The following YME1L1 variants were observed in gnomAD, a reference collection of about 807,000 sequenced individuals.
YME1L1 encodes YME1 like 1 ATPase.
Under a neutral mutation model 90.4 loss-of-function variants are expected in YME1L1, and 39 were observed. The ratio of observed to expected loss-of-function variants is 0.43; its 90% CI spans 0.33 to 0.56. The LOEUF is 0.56. Among genes scored for constraint, YME1L1 ranks in the 20% least tolerant of loss-of-function variants. The pLI is 0.03. For synonymous variants in YME1L1, 284 were observed against 287.3 expected (o/e 0.99, Z 0.12); for missense variants, 617 against 868.4 (o/e 0.71, Z 3.64).
intron 1 of YME1L1, among the ~76,000 whole-genome samples, chr10:27,149,830 T>C (rs181892150): frequency 1.1e-4 from 16 of 143,556 alleles, no homozygotes; most frequent in Admixed American, 1.1e-3. Flanking sequence ...ATCCCAGCAC[T>C]TTGGGAGGCC....
chr10:27,122,979 A>G lies in YME1L1; in HGVS notation c.1103-6T>C, dbSNP rs2056881723. 1.2e-6 allele frequency: 2 copies of G among 1,605,168 alleles called. No individual in the cohort carries two copies. Among genetic ancestry groups the G allele is most frequent in the African/African-American group, 2.7e-5 (2 of 74,404 alleles). ...AGCATTCGCCTTTGCTTCCCCTAAG[A>G]AAACAAAAAACATTCAAATAAGCTG... On this transcript the variant is annotated splice_region_variant and splice_polypyrimidine_tract_variant and intron_variant, in intron 10 of 18. Transcript: ENST00000376016.
chr10:27,134,005 A>C (rs886441594), intron 7 of YME1L1, 34 bp downstream of exon 7: 1 of 1,429,206 alleles, frequency 7.0e-7, no homozygotes, highest in African/African-American at 1.4e-5. Flanking sequence ...TAAAGGAATA[A>C]GAAATAAGTT....
rs12218864 is a variant in YME1L1 at position 27,116,231 on chromosome 10, G to A, written c.1834C>T (p.His612Tyr). Residue 612 changes from histidine to tyrosine, a missense_variant, in exon 16 of 19, where the codon CAT (histidine) becomes TAT (tyrosine). Physicochemically the swap from His to Tyr is moderately conservative, Grantham distance 83. Coordinates refer to ENST00000376016, the MANE Select transcript of YME1L1 (RefSeq NM_014263.4). ...CTTTAAAGCTAACCTGTTGTAATAT[G>A]GTCGGTTCCAAATATAAGCTCCTCT... The part of the protein sequence containing the change: ...VAEELIFGTD[H>Y]ITTGASSDFD... 99 of 1,614,102 alleles carry A rather than the reference G, an allele frequency of 6.1e-5. 1 individual carries two copies. In the East Asian group the frequency reaches 2.1e-3, roughly 35 times the overall value.
chr10:27,117,354 G>C (rs1179133626), intron 15 of YME1L1, among the ~76,000 whole-genome samples: 5 of 152,172 alleles, frequency 3.3e-5, no homozygotes, highest in Non-Finnish European at 5.9e-5. Context: ...GATCACCTGA[G>C]GTCAGGAGTT....
At chr10:27,133,457 G>A (rs1479026585) in intron 7 of YME1L1, among the ~76,000 whole-genome samples, 1 of 152,154 alleles carries the variant, frequency 6.6e-6, no homozygotes. Context: ...ATGGGGTTAA[G>A]GAGAAATGCT....
chr10:27,111,922 A>G lies in YME1L1; in HGVS notation c.*55T>C. 1.3e-6 allele frequency: 2 copies of G among 1,594,882 alleles called. No homozygotes were observed. Among genetic ancestry groups the G allele is most frequent in the Non-Finnish European group, 1.7e-6 (2 of 1,163,592 alleles). On this transcript the variant is annotated 3_prime_UTR_variant, in exon 19 of 19. Transcript: ENST00000376016. ...AAGCGTTGTAAAAGTAGACTACTGC[A>G]ATGCTACTTGTATTCTTGCAATAAA... is the stretch of plus-strand genomic sequence containing the variant.
At chr10:27,113,255 A>T (rs28665047) in intron 18 of YME1L1, among the ~76,000 whole-genome samples, 4 of 91,356 alleles carry the variant, frequency 4.4e-5, no homozygotes, top group African/African-American at 8.9e-5. Flanking sequence ...AAAAAAAAAA[A>T]AAAAAAAAGA....
At chr10:27,129,738 A>G (rs7921222) in intron 8 of YME1L1, among the ~76,000 whole-genome samples, 33,995 of 99,542 alleles carry the variant, frequency 0.34, 4,086 homozygotes, top group East Asian at 0.52. Flanking sequence ...AAATCAGTAG[A>G]AAAACCACTC....
intron 9 of YME1L1, among the ~76,000 whole-genome samples, chr10:27,126,096 A>G (rs1451172714): frequency 6.6e-6 from 1 of 152,124 alleles, no homozygotes; most frequent in Non-Finnish European, 1.5e-5. Flanking sequence ...TTATTTATTT[A>G]CAAATAATTT....
At chr10:27,122,523 G>A (rs1246283258) in intron 11 of YME1L1, among the ~76,000 whole-genome samples, 1 of 152,116 alleles carries the variant, frequency 6.6e-6, no homozygotes, top group Non-Finnish European at 1.5e-5. Context: ...TCTTCAAATA[G>A]ACTACTAGTC....
intron 4 of YME1L1, among the ~76,000 whole-genome samples, chr10:27,140,473 GTTTT>G (rs905097662): frequency 6.6e-6 from 1 of 151,780 alleles, no homozygotes; most frequent in Non-Finnish European, 1.5e-5. Flanking sequence ...AAGTATTTAG[GTTTT>G]TTTTGTCTTT....
intron 12 of YME1L1, among the ~76,000 whole-genome samples, chr10:27,120,980 GTTAT>G (rs2056861703): frequency 6.9e-6 from 1 of 144,448 alleles, no homozygotes; most frequent in Non-Finnish European, 1.5e-5. Flanking sequence ...TTTAAACCTA[GTTAT>G]AATACTACAG....
chr10:27,140,029 CAA>C (rs1374475824), intron 4 of YME1L1, among the ~76,000 whole-genome samples: 2 of 151,698 alleles, frequency 1.3e-5, no homozygotes, highest in Non-Finnish European at 2.9e-5. Flanking sequence ...CTTTTTGAGA[CAA>C]AGTCTTGCTC....
chr10:27,144,697 A>G (rs554121285), intron 3 of YME1L1, among the ~76,000 whole-genome samples: 39 of 152,346 alleles, frequency 2.6e-4, no homozygotes, highest in African/African-American at 8.4e-4. Flanking sequence ...ACCTAAAATT[A>G]AAACAAACAA....
At chr10:27,132,075 G>C (rs1422551063) in intron 7 of YME1L1, 134 bp from the exon 8 acceptor site, 5 of 632,466 alleles carry the variant, frequency 7.9e-6, no homozygotes, top group Non-Finnish European at 1.3e-5. Flanking sequence ...TCAAATCAGA[G>C]TGAGGAATAG....
intron 12 of YME1L1, 113 bp downstream of exon 12, chr10:27,121,273 T>G: frequency 1.3e-6 from 1 of 758,186 alleles, no homozygotes; most frequent in South Asian, 1.5e-5. Context: ...ATTCTGGATA[T>G]TGCATATAAA....
intron 1 of YME1L1, 41 bp from the exon 2 acceptor site, chr10:27,149,081 T>A (rs1298449075): frequency 9.2e-6 from 14 of 1,519,906 alleles, no homozygotes; most frequent in South Asian, 8.4e-5. Context: ...AGTTTTTTTT[T>A]AAATAAACAG....
At chr10:27,114,003 C>CA (rs2056787155) in intron 18 of YME1L1, among the ~76,000 whole-genome samples, 1 of 150,332 alleles carries the variant, frequency 6.7e-6, no homozygotes, top group Admixed American at 6.6e-5. Flanking sequence ...ACTCAATAAA[C>CA]AATACTCTTC....
At chr10:27,150,456 G>A (rs2057199067) in intron 1 of YME1L1, among the ~76,000 whole-genome samples, 1 of 152,170 alleles carries the variant, frequency 6.6e-6, no homozygotes, top group Non-Finnish European at 1.5e-5. Context: ...ATTCCCAGGA[G>A]GTTAGGCATT....
Sources: gnomAD v4.1 joint callset for allele counts (sites outside exome capture counted in the v4.1 genomes callset) on GRCh38, gnomAD v4.1.1 for gene constraint, MANE v1.5 for transcripts, NCBI Gene and HGNC (gene_info 2026-07-23, HGNC 2026-07-21) for gene names.